CUBN: variants seen among roughly 807,000 people sequenced by gnomAD.
CUBN encodes 460 kDa receptor.
CUBN carries 282 observed loss-of-function variants against 405.3 expected under a neutral mutation model. The ratio of observed to expected loss-of-function variants is 0.70; its 90% CI spans 0.63 to 0.77. The LOEUF is 0.77. Ranked by LOEUF, CUBN falls within the 30% of genes least tolerant of loss-of-function variation. CUBN has a pLI of 0.00. For missense variants in CUBN, 4,514 were observed against 4,475.2 expected, an observed-to-expected ratio of 1.01 and a Z score of -0.25; for synonymous variants, 1,684 against 1,617.0, an observed-to-expected ratio of 1.04 and a Z score of -0.99.
In CUBN at chr10:16,990,375, C is replaced by A. The variant is rs774934589; in HGVS notation, c.4309G>T (p.Asp1437Tyr). The change falls in exon 29 of 67, where the codon GAT becomes TAT. Residue 1437 changes from aspartate (D) to tyrosine (Y), a missense_variant. Around this residue, in one of 5 missense-constraint regions of CUBN, gnomAD observed 1,613 missense variants for 1,542.8 expected, o/e 1.05. Coordinates refer to ENST00000377833, the MANE Select transcript of CUBN (RefSeq NM_001081.4). ...TTGCACCTTGAATGATACTCCACAT[C>A]GAAGTCATGGATGGTGAGCTGAATG... ...SSIQLTIHDF[D>Y]VEYHSRCNFD... 2.5e-6 allele frequency: 4 copies of A among 1,614,072 alleles called. No homozygotes were observed. The African/African-American group carries it at 4.0e-5, about 16-fold the overall frequency.
chr10:16,952,890 C>T (rs912039951), intron 32 of CUBN, among the ~76,000 whole-genome samples: 6 of 152,134 alleles, frequency 3.9e-5, no homozygotes, highest in Non-Finnish European at 7.4e-5. Flanking sequence ...AGGAGGAGGC[C>T]GAGGCTAAAC....
chr10:17,068,229 T>C lies in CUBN; in HGVS notation c.2843A>G (p.His948Arg). 1 of 1,613,724 alleles carries C rather than the reference T, an allele frequency of 6.2e-7. No individual in the cohort carries two copies. Among genetic ancestry groups the C allele is most frequent in the Non-Finnish European group, 8.5e-7 (1 of 1,179,676 alleles). Residue 948 changes from histidine to arginine, a missense_variant, in exon 21 of 67, where the codon CAT becomes CGT. Around this residue, in one of 5 missense-constraint regions of CUBN, gnomAD observed 1,448 missense variants for 1,388.0 expected, o/e 1.04. Coordinates refer to ENST00000377833, the MANE Select transcript of CUBN (RefSeq NM_001081.4). Reference protein sequence around the residue: ...ESTGTIQSPGHPNVYPHGINC... With the variant: ...ESTGTIQSPGRPNVYPHGINC... The stretch of plus-strand genomic sequence containing the variant: ...GATACCGTGGGGGTAGACATTTGGA[T>C]GGCCAGGACTTTGAATGGTCCCTGT...
chr10:16,938,876 A>G (rs1564435248), intron 38 of CUBN, 87 bp downstream of exon 38: 1 of 1,210,130 alleles, frequency 8.3e-7, no homozygotes, highest in Non-Finnish European at 1.2e-6. Flanking sequence ...TGATTTGCAA[A>G]TGCTTGAATA....
intron 59 of CUBN, among the ~76,000 whole-genome samples, chr10:16,864,551 A>G (rs11816414): frequency 0.02 from 3,049 of 152,250 alleles, 98 homozygotes; most frequent in African/African-American, 0.069. Context: ...AGTAGATAAA[A>G]ATTGAGATTC....
chr10:16,854,915 T>C (rs1564387602), intron 59 of CUBN, among the ~76,000 whole-genome samples: 1 of 151,184 alleles, frequency 6.6e-6, no homozygotes. Flanking sequence ...CCTCCTTTCC[T>C]TCCTTCCTTC....
At chr10:17,028,712 C>T (rs1834727437) in intron 27 of CUBN, among the ~76,000 whole-genome samples, 2 of 146,782 alleles carry the variant, frequency 1.4e-5, no homozygotes, top group South Asian at 4.2e-4. Context: ...CAGAGTGAGA[C>T]TCTGTCTCAA....
At chr10:17,010,492 T>C (rs79424174) in intron 28 of CUBN, among the ~76,000 whole-genome samples, 1 of 147,698 alleles carries the variant, frequency 6.8e-6, no homozygotes, top group African/African-American at 2.5e-5. Flanking sequence ...AAAAAAAAAA[T>C]GCCAGGTGCA....
At position 16,936,163 on chromosome 10, in the gene CUBN, G is replaced by A. The variant is rs146417763; in HGVS notation, c.5926+1429C>T. 8.4e-4 allele frequency among the ~76,000 whole-genome samples: 127 copies of A among 151,864 alleles called. 3 individuals are homozygous for A. In the East Asian group the frequency reaches 0.02, roughly 24 times the overall value. On this transcript the variant is annotated intron_variant, in intron 39 of 66. Coordinates refer to ENST00000377833, the MANE Select transcript of CUBN (RefSeq NM_001081.4). ...TTACATCATATAATTATGAAATTTC[G>A]TAATAAAATATTAGAAGAAAATTTG...
Position 17,100,187 on chromosome 10 carries a change from G to A in CUBN, c.1583C>T (p.Pro528Leu), listed in dbSNP as rs1836465023. Residue 528 changes from proline (P) to leucine (L), a missense_variant, in exon 14 of 67, where the codon CCA becomes CTA. Around this residue, in one of 5 missense-constraint regions of CUBN, gnomAD observed 1,448 missense variants for 1,388.0 expected, o/e 1.04. Coordinates refer to ENST00000377833, the MANE Select transcript of CUBN (RefSeq NM_001081.4). ...FFRLESMDNC[P>L]HEFLQVYDGD... ...ATCATAAACCTGAAGAAACTCGTGT[G>A]GACAGTTGTCCATGGATTCTAACCG... The A allele has an allele frequency of 6.2e-7, 1 of 1,613,982 alleles. No individual in the cohort carries two copies. The highest frequency in any genetic ancestry group is 8.5e-7 in the Non-Finnish European group (1 of 1,179,936).
intron 31 of CUBN, among the ~76,000 whole-genome samples, chr10:16,955,819 G>A (rs905318174): frequency 2.6e-5 from 4 of 152,178 alleles, no homozygotes; most frequent in East Asian, 1.9e-4. Context: ...CTAAGAGGGA[G>A]CAGGTCACGT....
Position 17,084,546 on chromosome 10 carries a change from C to CCA in CUBN, c.2111-87_2111-86dup, listed in dbSNP as rs45464996. 111,920 of 913,770 alleles carry CCA rather than the reference C, an allele frequency of 0.12. 5,835 individuals are homozygous for CCA. Among genetic ancestry groups the CCA allele is most frequent in the Middle Eastern group, 0.25 (750 of 3,056 alleles). The allele number at this position is 913,770 out of a possible 1,614,324, so 56.6% of individuals were successfully genotyped here. ...TTGGATCCAATTTCTAAAAATTTAC[C>CCA]CACACACACACACACACAAGCACAT... On this transcript the variant is annotated intron_variant, in intron 16 of 66. Coordinates refer to ENST00000377833, the MANE Select transcript of CUBN (RefSeq NM_001081.4).
chr10:17,098,688 T>C (rs1212138548), intron 14 of CUBN, among the ~76,000 whole-genome samples: 1 of 152,042 alleles, frequency 6.6e-6, no homozygotes, highest in Non-Finnish European at 1.5e-5. Context: ...CAAAAGAATC[T>C]ACAAAAAATA....
intron 58 of CUBN, 88 bp from the exon 59 acceptor site, chr10:16,869,941 A>G (rs1840302685): frequency 2.2e-6 from 2 of 906,980 alleles, no homozygotes; most frequent in South Asian, 2.8e-5. Context: ...AATGACAAGG[A>G]AAAAACTACC....
intron 31 of CUBN, among the ~76,000 whole-genome samples, chr10:16,980,786 C>G (rs1411448793): frequency 6.6e-6 from 1 of 151,602 alleles, no homozygotes; most frequent in African/African-American, 2.4e-5. Flanking sequence ...CACGTGTATA[C>G]CTATATAACA....
chr10:17,091,443 C>T lies in CUBN; in HGVS notation c.1766-3098G>A, dbSNP rs565248235. On this transcript the variant is annotated intron_variant, in intron 14 of 66. Transcript: ENST00000377833. ...AGAGAAAATCAAGCATTTATCCTAC[C>T]TTTCCTACATGATCTCTGTATGAGA... Among the ~76,000 whole-genome samples the T allele has an allele frequency of 4.6e-5, 7 of 152,108 alleles. No individual in the cohort carries two copies. In the South Asian group the frequency reaches 1.5e-3, roughly 32 times the overall value.
intron 22 of CUBN, among the ~76,000 whole-genome samples, chr10:17,052,540 T>C (rs1459077888): frequency 6.6e-6 from 1 of 151,658 alleles, no homozygotes; most frequent in Non-Finnish European, 1.5e-5. Flanking sequence ...GCAGATCACC[T>C]GAGGTCAGGA....
chr10:16,990,590 C>T (rs981666494), intron 28 of CUBN, 75 bp from the exon 29 acceptor site: 27 of 1,325,436 alleles, frequency 2.0e-5, no homozygotes, highest in African/African-American at 4.4e-5. Flanking sequence ...TTCAACTCAC[C>T]GAAAGGCCAT....
rs1322770820 is a variant in CUBN, at chr10:17,114,063, T to A, written c.847A>T (p.Thr283Ser). The A allele has an allele frequency of 1.2e-6, 2 of 1,612,960 alleles. No homozygotes were observed. The highest frequency in any genetic ancestry group is 1.1e-5 in the South Asian group (1 of 90,662). Residue 283 changes from threonine (T) to serine (S), a missense_variant, in exon 8 of 67, where the codon ACT becomes TCT. Around this residue, in one of 5 missense-constraint regions of CUBN, gnomAD observed 1,448 missense variants for 1,388.0 expected, o/e 1.04. Coordinates refer to ENST00000377833, the MANE Select transcript of CUBN (RefSeq NM_001081.4). ...GCCCCACAGTAGAAAGAGCCTTGAG[T>A]GTTGAAACACTGCACAAGTGTGGAG... The part of the protein sequence containing the change: ...PCSTLVQCFN[T>S]QGSFYCGACP...
chr10:16,929,955 A>G (rs541993471), intron 40 of CUBN, among the ~76,000 whole-genome samples: 1 of 152,316 alleles, frequency 6.6e-6, no homozygotes, highest in South Asian at 2.1e-4. Flanking sequence ...CTTGTTGATT[A>G]GCCTACTCAT....
Sources: gnomAD v4.1 joint callset for allele counts (sites outside exome capture counted in the v4.1 genomes callset) on GRCh38, gnomAD v4.1.1 for gene constraint, gnomAD v4.1.1 regional missense constraint, MANE v1.5 for transcripts, NCBI Gene and HGNC (gene_info 2026-07-23, HGNC 2026-07-21) for gene names.